QRICH1: variants seen among roughly 807,000 people sequenced by gnomAD.
QRICH1 encodes the protein glutamine rich 1.
QRICH1 carries 16 observed loss-of-function variants against 87.1 expected under a neutral mutation model. The ratio of observed to expected loss-of-function variants is 0.18; its 90% CI spans 0.12 to 0.28. QRICH1 has a LOEUF of 0.28. Among genes scored for constraint, QRICH1 ranks in the 10% least tolerant of loss-of-function variants. QRICH1 has a pLI of 1.00. For synonymous variants in QRICH1, 367 were observed against 368.4 expected (o/e 1.00, Z 0.05); for missense variants, 647 against 951.7 (o/e 0.68, Z 4.21).
chr3:49,076,521 GT>G (rs1328203620), intron 2 of QRICH1, among the ~76,000 whole-genome samples, 187 bp downstream of exon 2: 4 of 49,554 alleles, frequency 8.1e-5, no homozygotes, highest in African/African-American at 3.2e-4. Context: ...ACTGGGGTTT[GT>G]TTAAAAAAAA....
At chr3:49,074,150 C>T (rs149904816) in intron 2 of QRICH1, among the ~76,000 whole-genome samples, 1 of 152,272 alleles carries the variant, frequency 6.6e-6, no homozygotes, top group East Asian at 1.9e-4. Flanking sequence ...TGGAATCACA[C>T]AAGTTAATGA....
chr3:49,056,850 G>A lies in QRICH1; in HGVS notation c.1338+12C>T, dbSNP rs1005905030. ...ACCAGGCTGCCTGCCCTACTGATAA[G>A]TCTTCACTTACTGAACAAGTAACTT... On this transcript the variant is annotated intron_variant, in intron 3 of 9. Transcript: ENST00000395443. 3.7e-6 allele frequency: 6 copies of A among 1,614,164 alleles called. No homozygotes were observed. In the Admixed American group the frequency reaches 8.3e-5, roughly 22 times the overall value.
intron 6 of QRICH1, among the ~76,000 whole-genome samples, chr3:49,039,379 A>G (rs1170595337): frequency 2.6e-5 from 4 of 151,704 alleles, no homozygotes; most frequent in African/African-American, 9.7e-5. Flanking sequence ...AAATAAATAA[A>G]TAAGTAAGTA....
chr3:49,088,730 A>G lies in QRICH1; in HGVS notation c.-22+5182T>C, dbSNP rs2042218427. On this transcript the variant is annotated intron_variant, in intron 1 of 9. Transcript: ENST00000395443. ...AGCCTCACACTCCTGGGCTCAAACA[A>G]TCCTCCTGCCTCTGCCTCCCGAGTA... Among the ~76,000 whole-genome samples the G allele has an allele frequency of 2.0e-5, 3 of 148,428 alleles. No homozygotes were observed. In the South Asian group the frequency reaches 6.4e-4, roughly 32 times the overall value.
intron 1 of QRICH1, chr3:49,083,325 T>G (rs943097235): frequency 6.6e-6 from 1 of 151,392 alleles, no homozygotes. Context: ...TGGGCTATAG[T>G]GCTCTATGCC....
intron 1 of QRICH1, among the ~76,000 whole-genome samples, chr3:49,080,025 T>C (rs1194949204): frequency 2.6e-5 from 2 of 76,320 alleles, no homozygotes; most frequent in East Asian, 9.4e-4. Context: ...TGAGACTCTA[T>C]CTCAAAAAAA....
At chr3:49,043,717 C>T (rs1301422367) in intron 6 of QRICH1, among the ~76,000 whole-genome samples, 1 of 152,030 alleles carries the variant, frequency 6.6e-6, no homozygotes, top group East Asian at 1.9e-4. Flanking sequence ...ATCCCAGCTG[C>T]TCAGGAGGCT....
Position 49,089,099 on chromosome 3 carries a change from C to T in QRICH1, c.-22+4813G>A, listed in dbSNP as rs139077391. On this transcript the variant is annotated intron_variant, in intron 1 of 9. Transcript: ENST00000395443. ...TTTTTTAAATGGAGTCTCGCTCTGT[C>T]CCCCAGCTTGGAGTGCAATGGTGCC... is the stretch of plus-strand genomic sequence containing the variant. Among the ~76,000 whole-genome samples, 445 of 150,992 alleles carry T rather than the reference C, an allele frequency of 2.9e-3. 3 individuals carry two copies. Among genetic ancestry groups the T allele is most frequent in the African/African-American group, 0.01 (422 of 41,086 alleles).
chr3:49,040,637 A>G (rs1382083023), intron 6 of QRICH1, among the ~76,000 whole-genome samples: 4 of 152,222 alleles, frequency 2.6e-5, no homozygotes, highest in Non-Finnish European at 4.4e-5. Flanking sequence ...TTTTAAGGGT[A>G]AAGCAGCATA....
At chr3:49,059,954 G>A (rs560437760) in intron 2 of QRICH1, among the ~76,000 whole-genome samples, 3 of 144,856 alleles carry the variant, frequency 2.1e-5, no homozygotes, top group East Asian at 4.2e-4. Flanking sequence ...GTGCGATCTC[G>A]GCTCACTACA....
intron 2 of QRICH1, among the ~76,000 whole-genome samples, chr3:49,074,665 T>A (rs866510601): frequency 1.3e-5 from 2 of 151,676 alleles, no homozygotes; most frequent in Non-Finnish European, 2.9e-5. Flanking sequence ...TTCAAAACTA[T>A]TCAGCTCTCC....
chr3:49,073,656 A>AT (rs1483764044), intron 2 of QRICH1, among the ~76,000 whole-genome samples: 2 of 149,676 alleles, frequency 1.3e-5, no homozygotes, highest in African/African-American at 4.9e-5. Flanking sequence ...TTTTATTTTT[A>AT]TTTTTTTTGA....
chr3:49,083,605 T>A (rs1483768299), intron 1 of QRICH1: 1 of 151,074 alleles, frequency 6.6e-6, no homozygotes, highest in Non-Finnish European at 1.5e-5. Context: ...CATTAGAAAA[T>A]ATCAATACTA....
At chr3:49,051,589 C>CA (rs938048078) in intron 3 of QRICH1, among the ~76,000 whole-genome samples, 1 of 134,318 alleles carries the variant, frequency 7.4e-6, no homozygotes, top group Non-Finnish European at 1.6e-5. Flanking sequence ...CCTGCGCCCC[C>CA]CCCCCCCTCC....
rs371392004 is a variant in QRICH1, at chr3:49,057,814, G to A, written c.386C>T (p.Thr129Ile). 3 of 1,613,982 alleles carry A rather than the reference G, an allele frequency of 1.9e-6. No homozygotes were observed. The African/African-American group carries it at 4.0e-5, about 22-fold the overall frequency. Residue 129 changes from threonine to isoleucine, a missense_variant, in exon 3 of 10, where the codon ACT becomes ATT. Coordinates refer to ENST00000395443, the MANE Select transcript of QRICH1 (RefSeq NM_198880.3). The surrounding 1 kb of genome is among the most constrained non-coding windows in gnomAD (Gnocchi z 5.4). ...LSPQLTVHQP[T>I]EQPIQVQVQI... ...CACCTGGACCTGGATGGGTTGCTCA[G>A]TAGGCTGGTGAACGGTGAGTTGTGG... is the stretch of plus-strand genomic sequence containing the variant.
intron 2 of QRICH1, among the ~76,000 whole-genome samples, chr3:49,071,690 C>T (rs1165900014): frequency 6.6e-6 from 1 of 152,138 alleles, no homozygotes; most frequent in Non-Finnish European, 1.5e-5. Flanking sequence ...GAAAATCAGA[C>T]TTCTTTTCTC....
chr3:49,079,929 C>T (rs1333571750), intron 1 of QRICH1, among the ~76,000 whole-genome samples: 2 of 151,078 alleles, frequency 1.3e-5, no homozygotes, highest in Non-Finnish European at 2.9e-5. Flanking sequence ...CTCGGGAGGC[C>T]GAGGCAGGAG....
At chr3:49,032,071 G>T (rs555000228) in intron 9 of QRICH1, 112 bp downstream of exon 9, 2 of 895,772 alleles carry the variant, frequency 2.2e-6, no homozygotes, top group Non-Finnish European at 3.5e-6. Flanking sequence ...TTTTTACTTG[G>T]TTTGGGACTA....
At chr3:49,033,856 G>A (rs956998232) in intron 6 of QRICH1, 2 of 152,040 alleles carry the variant, frequency 1.3e-5, no homozygotes, top group Non-Finnish European at 2.9e-5. Flanking sequence ...GTGTGGTGGC[G>A]GGCTCCTGTA....
Sources: allele counts gnomAD v4.1 joint callset (sites outside exome capture counted in the v4.1 genomes callset), GRCh38; gene constraint gnomAD v4.1.1; non-coding constraint Gnocchi (gnomAD v3.1); transcripts MANE v1.5; gene names NCBI Gene and HGNC (gene_info 2026-07-23, HGNC 2026-07-21).